The following MTPN variants were observed in gnomAD, a reference collection of about 807,000 sequenced individuals.
MTPN encodes myotrophin, also known as granule cell differentiation protein.
MTPN carries 2 observed loss-of-function variants against 13.5 expected under a neutral mutation model. The ratio of observed to expected loss-of-function variants is 0.15; its 90% CI spans 0.06 to 0.47. The LOEUF (loss-of-function observed/expected upper bound fraction) is 0.47, where lower values mean the gene tolerates loss of function less well. MTPN is among the 20% of genes least tolerant of loss of function. The probability of loss-of-function intolerance (pLI) is 0.97; values close to 1 mark genes in which losing one functional copy is unlikely to be tolerated. For synonymous variants in MTPN, 46 were observed against 51.7 expected, an observed-to-expected ratio of 0.89 and a Z score of 0.48; for missense variants, 79 against 137.9, an observed-to-expected ratio of 0.57 and a Z score of 2.14.
intron 3 of MTPN, among the ~76,000 whole-genome samples, chr7:135,941,655 T>C (rs1231252389): frequency 2.0e-5 from 3 of 152,288 alleles, no homozygotes; most frequent in South Asian, 2.1e-4. Context: ...CAGTTAACTA[T>C]AGTTCATTTT....
intron 1 of MTPN, among the ~76,000 whole-genome samples, chr7:135,975,086 CA>C (rs1190117210): frequency 1.3e-5 from 2 of 152,126 alleles, no homozygotes; most frequent in African/African-American, 4.8e-5. Flanking sequence ...CCCTCTTATG[CA>C]AATTTTTTAC....
At chr7:135,940,924 C>A (rs1320869770) in intron 3 of MTPN, among the ~76,000 whole-genome samples, 1 of 152,200 alleles carries the variant, frequency 6.6e-6, no homozygotes, top group Non-Finnish European at 1.5e-5. Context: ...GTGGCAGATA[C>A]AGCTTTGGTA....
At chr7:135,940,509 A>G (rs1459272694) in intron 3 of MTPN, among the ~76,000 whole-genome samples, 7 of 152,222 alleles carry the variant, frequency 4.6e-5, no homozygotes, top group Non-Finnish European at 8.8e-5. Flanking sequence ...TTTTAATGTA[A>G]CAGTAAAAAT....
chr7:135,954,029 G>C (rs35795333), intron 1 of MTPN, among the ~76,000 whole-genome samples: 2,457 of 152,218 alleles, frequency 0.016, 33 homozygotes, highest in African/African-American at 0.037. Context: ...AATCACTGGA[G>C]ACCAGGTTAG....
intron 1 of MTPN, among the ~76,000 whole-genome samples, chr7:135,966,627 C>T (rs1173489977): frequency 6.6e-6 from 1 of 152,104 alleles, no homozygotes; most frequent in Admixed American, 6.6e-5. Flanking sequence ...AGAGATGCTA[C>T]AAGTGGCACA....
intron 1 of MTPN, among the ~76,000 whole-genome samples, chr7:135,961,272 TA>T (rs546082466): frequency 1.1e-3 from 166 of 152,152 alleles, no homozygotes; most frequent in African/African-American, 3.7e-3. Context: ...CCTGAGCCTA[TA>T]GATTATAAGA....
rs759182707 is a variant in MTPN, at chr7:135,927,646, C to T, written c.*2280G>A. On this transcript the variant is annotated 3_prime_UTR_variant, in exon 4 of 4. Transcript: ENST00000393085. Reference sequence around the variant, plus strand: ...TGGTTCAGAAATACATTATAAATAACCTAGTTAAAAAAAGAAACTGTGAAC... The same window carrying T: ...TGGTTCAGAAATACATTATAAATAATCTAGTTAAAAAAAGAAACTGTGAAC... 1.9e-5 allele frequency: 12 copies of T among 630,050 alleles called. 1 individual carries two copies. Among genetic ancestry groups the T allele is most frequent in the African/African-American group, 3.6e-5 (2 of 54,934 alleles). The allele number at this position is 630,050 out of a possible 1,614,324, so 39.0% of individuals were successfully genotyped here. A position where few individuals can be genotyped will look rare whatever the true frequency, so the allele number is the denominator to read the frequency against.
intron 1 of MTPN, among the ~76,000 whole-genome samples, chr7:135,976,697 T>C (rs35181463): frequency 0.016 from 2,444 of 152,240 alleles, 31 homozygotes; most frequent in African/African-American, 0.037. Context: ...AACTTTGGTG[T>C]AGAAGAGGGC....
chr7:135,951,119 G>A (rs79012412), intron 2 of MTPN, among the ~76,000 whole-genome samples: 1 of 152,304 alleles, frequency 6.6e-6, no homozygotes, highest in Non-Finnish European at 1.5e-5. Context: ...GTTGGGAGAT[G>A]ACTGCGCTTA....
intron 1 of MTPN, among the ~76,000 whole-genome samples, chr7:135,963,561 G>GA (rs1183998859): frequency 1.3e-5 from 2 of 152,064 alleles, no homozygotes; most frequent in East Asian, 3.9e-4. Context: ...TAGAAAGAAA[G>GA]AAGGTCTGTA....
At position 135,927,520 on chromosome 7, in the gene MTPN, C is replaced by T. The variant is rs754098866; in HGVS notation, c.*2406G>A. ...TTACTTCAGTGGAGAACAAAACTTA[C>T]TTAACCTTTCGCTAATGCATGTAGT... On this transcript the variant is annotated 3_prime_UTR_variant, in exon 4 of 4. Transcript: ENST00000393085. 21 of 1,059,900 alleles carry T rather than the reference C, an allele frequency of 2.0e-5. 1 individual carries two copies. The South Asian group carries it at 3.2e-4, about 16-fold the overall frequency. 65.7% of individuals were successfully genotyped at this position (1,059,900 alleles called of 1,614,324 possible). A position where few individuals can be genotyped will look rare whatever the true frequency, so the allele number is the denominator to read the frequency against.
At position 135,977,041 on chromosome 7, in the gene MTPN, G is replaced by A. The variant is rs1182421175; in HGVS notation, c.60C>T (p.Asp20=). Residue 20 remains aspartate (D), a synonymous_variant, in exon 1 of 4, where the codon GAC becomes GAT. Transcript: ENST00000393085. ...LKNGDLDEVK[D]YVAKGEDVNR... Reference sequence around the variant, plus strand: ...CATCCCCGCTTACCTTGGCCACATAGTCTTTCACCTCATCCAAGTCTCCGT... The same window carrying A: ...CATCCCCGCTTACCTTGGCCACATAATCTTTCACCTCATCCAAGTCTCCGT... 6.2e-7 allele frequency: 1 copy of A among 1,612,768 alleles called. No individual in the cohort carries two copies. The highest frequency in any genetic ancestry group is 8.5e-7 in the Non-Finnish European group (1 of 1,179,402).
chr7:135,945,414 A>G (rs749592093), intron 3 of MTPN, among the ~76,000 whole-genome samples: 7 of 152,210 alleles, frequency 4.6e-5, no homozygotes, highest in Non-Finnish European at 1.0e-4. Flanking sequence ...ACACAAGTAC[A>G]CTGCACAGCT....
At chr7:135,955,350 C>A (rs77859062) in intron 1 of MTPN, among the ~76,000 whole-genome samples, 1 of 152,034 alleles carries the variant, frequency 6.6e-6, no homozygotes, top group Non-Finnish European at 1.5e-5. Context: ...CAAGCTGATT[C>A]TTCAAGATCA....
At chr7:135,950,904 CAGG>C (rs1799355648) in intron 2 of MTPN, among the ~76,000 whole-genome samples, 1 of 152,094 alleles carries the variant, frequency 6.6e-6, no homozygotes, top group African/African-American at 2.4e-5. Flanking sequence ...GCATAGGGAG[CAGG>C]GCTTTGACCT....
In MTPN at chr7:135,951,669, T is replaced by C. The variant is rs375060255; in HGVS notation, c.73-39A>G. 2.9e-6 allele frequency: 4 copies of C among 1,402,744 alleles called. No individual in the cohort carries two copies. The African/African-American group carries it at 5.7e-5, about 20-fold the overall frequency. 86.9% of individuals were successfully genotyped at this position (1,402,744 alleles called of 1,614,324 possible). A position where few individuals can be genotyped will look rare whatever the true frequency, so the allele number is the denominator to read the frequency against. On this transcript the variant is annotated intron_variant, in intron 1 of 3. Coordinates refer to ENST00000393085, the MANE Select transcript of MTPN (RefSeq NM_145808.4). ...CAAATGAAAACAATATTTATATGAA[T>C]GGAAGACTGAAGAAGTGAAATGAGG...
At chr7:135,970,670 G>A (rs1419782902) in intron 1 of MTPN, among the ~76,000 whole-genome samples, 1 of 151,928 alleles carries the variant, frequency 6.6e-6, no homozygotes, top group Non-Finnish European at 1.5e-5. Flanking sequence ...AAAATGTTTA[G>A]AATCTCAAAC....
At chr7:135,946,266 T>C (rs1399319081) in intron 3 of MTPN, among the ~76,000 whole-genome samples, 2 of 152,206 alleles carry the variant, frequency 1.3e-5, no homozygotes, top group Non-Finnish European at 2.9e-5. Flanking sequence ...GAACAGTGAA[T>C]ATCCCAGATA....
chr7:135,972,223 A>ACG (rs71531882), intron 1 of MTPN, among the ~76,000 whole-genome samples: 1,447 of 131,862 alleles, frequency 0.011, 10 homozygotes, highest in African/African-American at 0.027. Context: ...GCACACGCGC[A>ACG]CGCGCGCGCA....
Sources: gnomAD v4.1 joint callset for allele counts (sites outside exome capture counted in the v4.1 genomes callset) on GRCh38, gnomAD v4.1.1 for gene constraint, MANE v1.5 for transcripts, NCBI Gene and HGNC (gene_info 2026-07-23, HGNC 2026-07-21) for gene names.